Variants in ACAP2 observed in about 807,000 individuals in gnomAD.
ACAP2 encodes ArfGAP with coiled-coil, ankyrin repeat and PH domains 2, also known as arf-GAP with coiled-coil, ANK repeat and PH domain-containing protein 2.
A neutral mutation model predicts 115.8 loss-of-function variants in ACAP2; 39 were observed. The observed-to-expected ratio is 0.34, with a 90% CI of 0.26 to 0.44. ACAP2 has a LOEUF of 0.44. Among genes scored for constraint, ACAP2 ranks in the 20% least tolerant of loss-of-function variants. ACAP2 has a pLI of 1.00. For synonymous variants in ACAP2, 289 were observed against 315.8 expected, an observed-to-expected ratio of 0.92 and a Z score of 0.90; for missense variants, 662 against 927.6, an observed-to-expected ratio of 0.71 and a Z score of 3.72.
At chr3:195,426,654 G>A (rs1352984833) in intron 1 of ACAP2, among the ~76,000 whole-genome samples, 5 of 151,622 alleles carry the variant, frequency 3.3e-5, no homozygotes, top group South Asian at 4.2e-4. Flanking sequence ...TTCTCACTAC[G>A]GCAACTGAGT....
chr3:195,357,335 C>T (rs530062220), intron 4 of ACAP2, among the ~76,000 whole-genome samples: 8 of 152,178 alleles, frequency 5.3e-5, no homozygotes, highest in Non-Finnish European at 8.8e-5. Context: ...CTAAGGTTTC[C>T]GATTGCAGGC....
chr3:195,351,527 T>C (rs1731602704), intron 4 of ACAP2, among the ~76,000 whole-genome samples: 1 of 151,000 alleles, frequency 6.6e-6, no homozygotes. Flanking sequence ...AGTGGCGTGA[T>C]GTCAGCTCAC....
At chr3:195,420,926 G>A (rs1209978813) in intron 1 of ACAP2, among the ~76,000 whole-genome samples, 1 of 152,148 alleles carries the variant, frequency 6.6e-6, no homozygotes, top group Non-Finnish European at 1.5e-5. Flanking sequence ...TTACAGGTGT[G>A]AGCCGCCGCA....
chr3:195,389,481 T>C (rs989426402), intron 2 of ACAP2, among the ~76,000 whole-genome samples: 8 of 152,162 alleles, frequency 5.3e-5, no homozygotes, highest in African/African-American at 1.9e-4. Context: ...TGTAATAATA[T>C]ATGTATCACT....
intron 1 of ACAP2, among the ~76,000 whole-genome samples, chr3:195,407,060 C>G (rs766097660): frequency 2.6e-5 from 4 of 151,388 alleles, no homozygotes; most frequent in Non-Finnish European, 2.9e-5. Context: ...GGAAGGCAGA[C>G]AGGCAAAAAA....
chr3:195,361,147 A>C (rs997162896), intron 4 of ACAP2, among the ~76,000 whole-genome samples: 2 of 152,208 alleles, frequency 1.3e-5, no homozygotes, highest in African/African-American at 4.8e-5. Flanking sequence ...ATTAGGAAAG[A>C]AACTGGGCTG....
intron 1 of ACAP2, among the ~76,000 whole-genome samples, chr3:195,418,997 C>A (rs1713957142): frequency 6.6e-6 from 1 of 152,102 alleles, no homozygotes; most frequent in Non-Finnish European, 1.5e-5. Flanking sequence ...TATTCTGTTT[C>A]TTTGCTTCAA....
chr3:195,319,565 G>A (rs1017843894), intron 10 of ACAP2, among the ~76,000 whole-genome samples: 1 of 152,244 alleles, frequency 6.6e-6, no homozygotes, highest in Non-Finnish European at 1.5e-5. Context: ...GGAGATTTTA[G>A]AGCTTTAAGA....
At chr3:195,301,474 C>T (rs750704466) in intron 15 of ACAP2, 101 bp downstream of exon 15, 21 of 881,134 alleles carry the variant, frequency 2.4e-5, no homozygotes, top group Non-Finnish European at 3.2e-5. Flanking sequence ...AGCTAGCATA[C>T]ATTGGTAGCA....
At chr3:195,337,657 G>A (rs1263228371) in intron 6 of ACAP2, among the ~76,000 whole-genome samples, 2 of 151,860 alleles carry the variant, frequency 1.3e-5, no homozygotes, top group Non-Finnish European at 2.9e-5. Context: ...CATGTTGGTC[G>A]GGCTGGTCTT....
intron 1 of ACAP2, among the ~76,000 whole-genome samples, chr3:195,404,268 C>T (rs1712553180): frequency 6.6e-6 from 1 of 152,056 alleles, no homozygotes; most frequent in Non-Finnish European, 1.5e-5. Context: ...TCAAAAGCTG[C>T]CGACAGGTCA....
At chr3:195,348,450 C>T (rs1342290946) in intron 4 of ACAP2, among the ~76,000 whole-genome samples, 1 of 151,892 alleles carries the variant, frequency 6.6e-6, no homozygotes, top group African/African-American at 2.4e-5. Flanking sequence ...TACTTCTACA[C>T]AAACTCTTCA....
At chr3:195,375,826 A>C in intron 4 of ACAP2, among the ~76,000 whole-genome samples, 1 of 152,156 alleles carries the variant, frequency 6.6e-6, no homozygotes, top group East Asian at 1.9e-4. Context: ...TAGACAGACA[A>C]CAAAAAGAGT....
intron 9 of ACAP2, among the ~76,000 whole-genome samples, chr3:195,324,661 G>A (rs1729658411): frequency 6.6e-6 from 1 of 152,094 alleles, no homozygotes; most frequent in Non-Finnish European, 1.5e-5. Context: ...GGCTGAGGCA[G>A]GAGAATCACT....
chr3:195,398,849 G>A (rs1317438256), intron 1 of ACAP2, among the ~76,000 whole-genome samples: 2 of 152,038 alleles, frequency 1.3e-5, no homozygotes, highest in Non-Finnish European at 2.9e-5. Context: ...ATAGGAAAGG[G>A]AGTAGTGGAA....
chr3:195,373,881 C>T (rs188542383), intron 4 of ACAP2, among the ~76,000 whole-genome samples: 22 of 151,980 alleles, frequency 1.4e-4, no homozygotes, highest in Admixed American at 3.9e-4. Context: ...ACCGAGATCA[C>T]GCCATTGCAC....
At chr3:195,310,695 AG>A (rs1728707938) in intron 10 of ACAP2, among the ~76,000 whole-genome samples, 1 of 152,224 alleles carries the variant, frequency 6.6e-6, no homozygotes, top group African/African-American at 2.4e-5. Context: ...TTCTAAAAAT[AG>A]TATTAAAACT....
At chr3:195,381,497 A>T (rs898615016) in intron 3 of ACAP2, among the ~76,000 whole-genome samples, 1 of 152,180 alleles carries the variant, frequency 6.6e-6, no homozygotes, top group East Asian at 1.9e-4. Context: ...TAAGCTGGCT[A>T]ATCAGAACCT....
chr3:195,294,356 G>A (rs1344257062), intron 18 of ACAP2, among the ~76,000 whole-genome samples: 1 of 151,368 alleles, frequency 6.6e-6, no homozygotes, highest in African/African-American at 2.4e-5. Flanking sequence ...GAGGTTGGTG[G>A]ATCACAAGGT....
Sources: allele counts gnomAD v4.1 joint callset (sites outside exome capture counted in the v4.1 genomes callset), GRCh38; gene constraint gnomAD v4.1.1; transcripts MANE v1.5; gene names NCBI Gene and HGNC (gene_info 2026-07-23, HGNC 2026-07-21).